Variants in ANKUB1 observed in about 807,000 individuals in gnomAD.
ANKUB1 encodes the protein protein ANKUB1.
A neutral mutation model predicts 49.3 loss-of-function variants in ANKUB1; 42 were observed. The ratio of observed to expected loss-of-function variants is 0.85; its 90% CI spans 0.67 to 1.10. ANKUB1 has a LOEUF of 1.10. Among genes scored for constraint, ANKUB1 ranks in the 50% least tolerant of loss-of-function variants. ANKUB1 has a pLI of 0.00. For missense variants in ANKUB1, 613 were observed against 642.0 expected, an observed-to-expected ratio of 0.95 and a Z score of 0.49; for synonymous variants, 222 against 231.0, an observed-to-expected ratio of 0.96 and a Z score of 0.35.
chr3:149,777,838 T>C (rs1717672534), intron 3 of ANKUB1, among the ~76,000 whole-genome samples: 1 of 152,264 alleles, frequency 6.6e-6, no homozygotes, highest in Non-Finnish European at 1.5e-5. Context: ...TCTATCACTT[T>C]ACTGTAAACA....
In ANKUB1 at chr3:149,767,241, A is replaced by T. The variant is rs545094649; in HGVS notation, c.1421T>A (p.Leu474Ter). The change falls in exon 5 of 6, where the codon TTA becomes TAA. Residue 474 changes from leucine (L) to a stop codon, truncating the protein, a stop_gained. Transcript: ENST00000446160. LOFTEE classifies it high-confidence loss of function. The stretch of plus-strand genomic sequence containing the variant: ...GAAAGATGAGAAGGAGGACTTCAGT[A>T]AAAAGTCAGCACTGGGTGTTGCATA... ...FFYATPSADF[L>*]LKSSFSSFLE... The T allele has an allele frequency of 6.4e-7, 1 of 1,551,256 alleles. No individual in the cohort carries two copies. Among genetic ancestry groups the T allele is most frequent in the African/African-American group, 1.4e-5 (1 of 73,038 alleles).
In ANKUB1 at chr3:149,772,312, C is replaced by T. The variant is rs534926939; in HGVS notation, c.452-1638G>A. 1.2e-4 allele frequency among the ~76,000 whole-genome samples: 19 copies of T among 152,268 alleles called. 1 individual carries two copies. The East Asian group carries it at 3.7e-3, about 29-fold the overall frequency. On this transcript the variant is annotated intron_variant, in intron 3 of 5. Coordinates refer to ENST00000446160, the MANE Select transcript of ANKUB1 (RefSeq NM_001144960.3). ...CTGGAATTACAGGTGTGAGCCATTG[C>T]GCCCGGCATCCTTCTCATTTTTTCA...
chr3:149,770,509 T>G, intron 4 of ANKUB1, 51 bp downstream of exon 4: 1 of 1,340,780 alleles, frequency 7.5e-7, no homozygotes, highest in East Asian at 2.5e-5. Context: ...GATGGAAGTT[T>G]AGTAAAAATC....
intron 2 of ANKUB1, among the ~76,000 whole-genome samples, chr3:149,781,031 G>A (rs1332901397): frequency 8.2e-6 from 1 of 121,286 alleles, no homozygotes; most frequent in East Asian, 2.6e-4. Flanking sequence ...TCACTATGAT[G>A]CCCAGGCTGG....
chr3:149,787,630 A>T (rs12695943), intron 2 of ANKUB1, among the ~76,000 whole-genome samples: 117,909 of 152,136 alleles, frequency 0.78, 45,907 homozygotes, highest in East Asian at 0.9. Flanking sequence ...GTGAGAATAC[A>T]ATGTTCTTTT....
At chr3:149,766,306 A>C (rs1717011027) in intron 5 of ANKUB1, among the ~76,000 whole-genome samples, 1 of 152,136 alleles carries the variant, frequency 6.6e-6, no homozygotes. Flanking sequence ...CAGTCAATTC[A>C]AGTCTTTAAT....
intron 2 of ANKUB1, among the ~76,000 whole-genome samples, chr3:149,787,831 A>G (rs1718176992): frequency 1.3e-5 from 2 of 152,244 alleles, no homozygotes; most frequent in Non-Finnish European, 2.9e-5. Context: ...TTGTAAGCAC[A>G]CAAAAATATG....
intron 3 of ANKUB1, chr3:149,778,534 T>G (rs147082475): frequency 1.1e-4 from 16 of 152,306 alleles, no homozygotes; most frequent in African/African-American, 3.1e-4. Flanking sequence ...GTTTCATCCT[T>G]TGGTACTTCA....
intron 5 of ANKUB1, among the ~76,000 whole-genome samples, chr3:149,764,238 T>C (rs1195284588): frequency 6.6e-6 from 1 of 152,152 alleles, no homozygotes; most frequent in Non-Finnish European, 1.5e-5. Flanking sequence ...TTCAGGTAGA[T>C]GTAAGTGCTT....
At chr3:149,785,265 T>G (rs1349408506) in intron 2 of ANKUB1, among the ~76,000 whole-genome samples, 26 of 152,130 alleles carry the variant, frequency 1.7e-4, no homozygotes, top group African/African-American at 5.8e-4. Flanking sequence ...ATTATTATTA[T>G]TATTATTTAT....
chr3:149,762,257 A>G (rs929615803), intron 5 of ANKUB1, among the ~76,000 whole-genome samples: 3 of 152,164 alleles, frequency 2.0e-5, no homozygotes, highest in Non-Finnish European at 4.4e-5. Flanking sequence ...TCTTTTATCC[A>G]TGACTCCTTG....
At chr3:149,778,629 G>T (rs1717712619) in intron 3 of ANKUB1, 1 of 152,082 alleles carries the variant, frequency 6.6e-6, no homozygotes, top group Non-Finnish European at 1.5e-5. Flanking sequence ...TTCTAGGCAG[G>T]GTTCAGCCTC....
chr3:149,761,390 T>C lies in ANKUB1; in HGVS notation c.*94A>G. 1.4e-6 allele frequency: 2 copies of C among 1,387,062 alleles called. No homozygotes were observed. The highest frequency in any genetic ancestry group is 2.9e-5 in the South Asian group (2 of 68,356). The allele number at this position is 1,387,062 out of a possible 1,614,324, so 85.9% of individuals were successfully genotyped here. ...GTGGCATTATAACTGTTACTAGAGATGATAACATTAGAACTGTTATTAGAA... is the reference window on the plus strand; with the variant it reads ...GTGGCATTATAACTGTTACTAGAGACGATAACATTAGAACTGTTATTAGAA... On this transcript the variant is annotated 3_prime_UTR_variant, in exon 6 of 6. Coordinates refer to ENST00000446160, the MANE Select transcript of ANKUB1 (RefSeq NM_001144960.3).
intron 3 of ANKUB1, among the ~76,000 whole-genome samples, chr3:149,775,778 A>G (rs771894095): frequency 1.3e-5 from 2 of 152,134 alleles, no homozygotes; most frequent in African/African-American, 4.8e-5. Context: ...ACAGAATAAC[A>G]AGCAGATAAG....
intron 5 of ANKUB1, 140 bp from the exon 6 acceptor site, chr3:149,761,753 A>G: frequency 1.1e-6 from 1 of 940,032 alleles, no homozygotes; most frequent in Non-Finnish European, 1.5e-6. Flanking sequence ...AAATAGAAAC[A>G]GTAATCTTTC....
intron 3 of ANKUB1, among the ~76,000 whole-genome samples, chr3:149,776,709 C>A (rs904143717): frequency 6.6e-6 from 1 of 152,100 alleles, no homozygotes; most frequent in African/African-American, 2.4e-5. Flanking sequence ...TCCTGTAATC[C>A]CAGCACTTTG....
At chr3:149,766,826 C>A (rs1431153272) in intron 5 of ANKUB1, 1 of 613,556 alleles carries the variant, frequency 1.6e-6, no homozygotes, top group African/African-American at 4.8e-5. Context: ...AAAGCAGCAG[C>A]AGCAGCAGCA....
intron 3 of ANKUB1, among the ~76,000 whole-genome samples, chr3:149,778,031 T>C (rs1027626060): frequency 6.6e-6 from 1 of 152,226 alleles, no homozygotes; most frequent in African/African-American, 2.4e-5. Flanking sequence ...GGATGATTCA[T>C]TGGCTAGAAA....
chr3:149,791,413 G>A (rs1040475785), intron 1 of ANKUB1, among the ~76,000 whole-genome samples: 3 of 152,140 alleles, frequency 2.0e-5, no homozygotes, highest in Admixed American at 2.0e-4. Context: ...ATTGGAAAAT[G>A]TATTTCAATA....
Sources: gnomAD v4.1 joint callset for allele counts (sites outside exome capture counted in the v4.1 genomes callset) on GRCh38, gnomAD v4.1.1 for gene constraint, MANE v1.5 for transcripts, NCBI Gene and HGNC (gene_info 2026-07-23, HGNC 2026-07-21) for gene names.